Variants in AGFG2 observed in about 807,000 individuals in gnomAD.
AGFG2 encodes the protein ArfGAP with FG repeats 2.
A neutral mutation model predicts 48.0 loss-of-function variants in AGFG2; 31 were observed. The observed-to-expected ratio is 0.65, with a 90% CI of 0.49 to 0.87. AGFG2 has a LOEUF of 0.87. Ranked by LOEUF, AGFG2 falls within the 40% of genes least tolerant of loss-of-function variation. The pLI, the probability that AGFG2 is intolerant of heterozygous loss-of-function variation, is 0.00. For missense variants in AGFG2, 599 were observed against 632.6 expected (o/e 0.95, Z 0.57); for synonymous variants, 229 against 260.8 (o/e 0.88, Z 1.18).
chr7:100,564,219 C>T lies in AGFG2; in HGVS notation c.1302C>T (p.Gly434=), dbSNP rs1285493975. The T allele has an allele frequency of 1.2e-6, 2 of 1,610,722 alleles. No individual in the cohort carries two copies. The highest frequency in any genetic ancestry group is 2.2e-5 in the South Asian group (2 of 90,228). ...TGAGTGACTGCTCTCGCCCCCTAGG[C>T]TCTTCCTTCGGGGACTTAGGATCAG... ...PQTPLVQQQN[G]SSFGDLGSAK... Residue 434 remains glycine, a splice_region_variant and synonymous_variant, in exon 11 of 12, where the codon GGC becomes GGT. Transcript: ENST00000300176.
intron 1 of AGFG2, among the ~76,000 whole-genome samples, chr7:100,545,274 T>C (rs1202220272): frequency 6.6e-6 from 1 of 152,150 alleles, no homozygotes; most frequent in African/African-American, 2.4e-5. Flanking sequence ...TGAGCAGGTT[T>C]GATGCTTTTA....
In AGFG2 at chr7:100,562,507, G is replaced by T; in HGVS notation, c.999-87G>T. 6.2e-7 allele frequency: 1 copy of T among 1,603,436 alleles called. No individual in the cohort carries two copies. ...CCCCTCCTCTCCCTTACTCACCCTG[G>T]AGAGCAGGGTTGGCATCTCCTGGCC... On this transcript the variant is annotated intron_variant, in intron 7 of 11. Transcript: ENST00000300176. The surrounding 1 kb of genome is among the most constrained non-coding windows in gnomAD (Gnocchi z 5.4).
rs944262986 is a variant in AGFG2 at position 100,562,095 on chromosome 7, T to A, written c.878-164T>A. ...ACTCTTGGTGGGAGACAAGACCTCC[T>A]GAACTGGGTGGTCCCTGAGAAAATG... On this transcript the variant is annotated intron_variant, in intron 6 of 11. Coordinates refer to ENST00000300176, the MANE Select transcript of AGFG2 (RefSeq NM_006076.5). The surrounding 1 kb of genome is among the most constrained non-coding windows in gnomAD (Gnocchi z 5.4). 6.6e-6 allele frequency among the ~76,000 whole-genome samples: 1 copy of A among 151,664 alleles called. No homozygotes were observed. The highest frequency in any genetic ancestry group is 1.5e-5 in the Non-Finnish European group (1 of 67,896).
At chr7:100,557,237 T>G (rs1361500916) in intron 6 of AGFG2, among the ~76,000 whole-genome samples, 1 of 151,074 alleles carries the variant, frequency 6.6e-6, no homozygotes, top group Non-Finnish European at 1.5e-5. Context: ...AAAGAGGTTC[T>G]CAAAATCATG....
In AGFG2 at chr7:100,562,558, G is replaced by A; in HGVS notation, c.999-36G>A. ...CCTTGCTCAGGTTTGATTGGCCCTG[G>A]CAGCTGTGTATGACTTCTCTCTCCC... On this transcript the variant is annotated intron_variant, in intron 7 of 11. Transcript: ENST00000300176. The surrounding 1 kb of genome is among the most constrained non-coding windows in gnomAD (Gnocchi z 5.4). The A allele has an allele frequency of 3.7e-6, 6 of 1,613,198 alleles. No individual in the cohort carries two copies. The highest frequency in any genetic ancestry group is 5.1e-6 in the Non-Finnish European group (6 of 1,179,736).
At chr7:100,543,268 T>C (rs1584379262) in intron 1 of AGFG2, among the ~76,000 whole-genome samples, 1 of 152,320 alleles carries the variant, frequency 6.6e-6, no homozygotes, top group East Asian at 1.9e-4. Flanking sequence ...TTTCACCATG[T>C]TGGCCAGGCT....
At chr7:100,551,609 C>T (rs1053628643) in intron 3 of AGFG2, among the ~76,000 whole-genome samples, 2 of 151,878 alleles carry the variant, frequency 1.3e-5, no homozygotes, top group South Asian at 2.1e-4. Flanking sequence ...ATAGGCCAGG[C>T]AAGGTGGCTC....
rs540462442 is a variant in AGFG2, at chr7:100,566,588, G to C, written c.*1597G>C. 1 of 152,334 alleles carries C rather than the reference G, an allele frequency of 6.6e-6. No individual in the cohort carries two copies. Among genetic ancestry groups the C allele is most frequent in the African/African-American group, 2.4e-5 (1 of 41,560 alleles). The allele number at this position is 152,334 out of a possible 1,614,324, so 9.4% of individuals were successfully genotyped here. ...AAGAGATATGGGAGTTGGGTGATCAGTGTATTTACTTTGCAGATTTTTCTG... is the reference window on the plus strand; with the variant it reads ...AAGAGATATGGGAGTTGGGTGATCACTGTATTTACTTTGCAGATTTTTCTG... On this transcript the variant is annotated 3_prime_UTR_variant, in exon 12 of 12. Transcript: ENST00000300176.
intron 5 of AGFG2, among the ~76,000 whole-genome samples, chr7:100,555,343 G>T (rs1044522644): frequency 7.6e-6 from 1 of 131,424 alleles, no homozygotes; most frequent in Non-Finnish European, 1.5e-5. Flanking sequence ...GCACAATCTC[G>T]GCTCACTGCT....
intron 4 of AGFG2, 21 bp from the exon 5 acceptor site, chr7:100,554,072 A>G (rs1028136438): frequency 2.5e-6 from 4 of 1,606,928 alleles, no homozygotes; most frequent in Non-Finnish European, 3.4e-6. Flanking sequence ...TAAGGGCTGT[A>G]TGCATTCCTT....
chr7:100,545,992 C>T (rs1048515343), intron 1 of AGFG2, among the ~76,000 whole-genome samples: 1 of 152,158 alleles, frequency 6.6e-6, no homozygotes, highest in Non-Finnish European at 1.5e-5. Context: ...TCCCTGCCCC[C>T]AGACTGTGGC....
chr7:100,549,845 A>G (rs1387811069), intron 2 of AGFG2, among the ~76,000 whole-genome samples: 5 of 152,116 alleles, frequency 3.3e-5, no homozygotes, highest in African/African-American at 9.7e-5. Flanking sequence ...GGCACATGCC[A>G]CCATGCTCCA....
intron 6 of AGFG2, chr7:100,556,634 A>G (rs182248310): frequency 2.3e-6 from 3 of 1,289,188 alleles, no homozygotes; most frequent in Non-Finnish European, 3.0e-6. Context: ...TTGGTAAGTT[A>G]TTATCCCCAC....
intron 2 of AGFG2, among the ~76,000 whole-genome samples, chr7:100,550,104 C>T (rs1395928142): frequency 6.6e-6 from 1 of 152,056 alleles, no homozygotes; most frequent in Non-Finnish European, 1.5e-5. Context: ...GTCAAGAGAT[C>T]GAGGCCATCC....
At chr7:100,563,326 G>T (rs768353825) in intron 9 of AGFG2, among the ~76,000 whole-genome samples, 6 of 152,192 alleles carry the variant, frequency 3.9e-5, no homozygotes, top group Non-Finnish European at 7.3e-5. Flanking sequence ...CTCCAGGCCT[G>T]TTGTCTTCTC....
intron 1 of AGFG2, among the ~76,000 whole-genome samples, chr7:100,545,997 T>C (rs1213761860): frequency 6.6e-6 from 1 of 152,196 alleles, no homozygotes; most frequent in Non-Finnish European, 1.5e-5. Flanking sequence ...GCCCCCAGAC[T>C]GTGGCTCTGG....
intron 1 of AGFG2, among the ~76,000 whole-genome samples, chr7:100,541,010 CAAAAAAAA>C (rs11353093): frequency 5.3e-5 from 4 of 75,566 alleles, no homozygotes; most frequent in African/African-American, 2.0e-4. Flanking sequence ...GACACTGTCT[CAAAAAAAA>C]AAAAAAAAAA....
At chr7:100,544,826 T>C (rs1226817341) in intron 1 of AGFG2, among the ~76,000 whole-genome samples, 1 of 152,106 alleles carries the variant, frequency 6.6e-6, no homozygotes. Flanking sequence ...GGCGGCTGGA[T>C]GCTATCAGGA....
In AGFG2 at chr7:100,556,512, T is replaced by G; in HGVS notation, c.877+777T>G. 3 of 1,196,610 alleles carry G rather than the reference T, an allele frequency of 2.5e-6. No homozygotes were observed. In the South Asian group the frequency reaches 4.0e-5, roughly 16 times the overall value. The allele number at this position is 1,196,610 out of a possible 1,614,324, so 74.1% of individuals were successfully genotyped here. On this transcript the variant is annotated intron_variant, in intron 6 of 11. Transcript: ENST00000300176. ...TGCAGTGCTCGCCGTCAGGCTCAGA[T>G]GTCTGGGGAAAAGCCAGTGACATAC... is the stretch of plus-strand genomic sequence containing the variant.
Sources: gnomAD v4.1 joint callset for allele counts (sites outside exome capture counted in the v4.1 genomes callset) on GRCh38, gnomAD v4.1.1 for gene constraint, Gnocchi (gnomAD v3.1) non-coding constraint, MANE v1.5 for transcripts, NCBI Gene and HGNC (gene_info 2026-07-23, HGNC 2026-07-21) for gene names.